The following PDE8A variants were observed in gnomAD, a reference collection of about 807,000 sequenced individuals.
PDE8A encodes high affinity cAMP-specific and IBMX-insensitive 3',5'-cyclic phosphodiesterase 8A.
Under a neutral mutation model 105.0 loss-of-function variants are expected in PDE8A, and 59 were observed. The ratio of observed to expected loss-of-function variants is 0.56; its 90% CI spans 0.46 to 0.70. The LOEUF is 0.70. PDE8A is among the 30% of genes least tolerant of loss of function. PDE8A has a pLI of 0.00. For synonymous variants in PDE8A, 355 were observed against 371.9 expected, an observed-to-expected ratio of 0.95 and a Z score of 0.52; for missense variants, 1,014 against 1,045.9, an observed-to-expected ratio of 0.97 and a Z score of 0.42.
At chr15:84,995,349 C>G (rs2079959376) in intron 1 of PDE8A, among the ~76,000 whole-genome samples, 1 of 150,084 alleles carries the variant, frequency 6.7e-6, no homozygotes, top group African/African-American at 2.5e-5. Context: ...GGGTCTCCCT[C>G]TGTTGCCTAG....
chr15:85,013,346 A>G (rs2080271559), intron 1 of PDE8A, among the ~76,000 whole-genome samples: 1 of 152,202 alleles, frequency 6.6e-6, no homozygotes, highest in South Asian at 2.1e-4. Flanking sequence ...TTCTCTGAGC[A>G]TCACTTTTCT....
chr15:84,994,526 A>T (rs1181736212), intron 1 of PDE8A, among the ~76,000 whole-genome samples: 2 of 152,218 alleles, frequency 1.3e-5, no homozygotes, highest in Admixed American at 1.3e-4. Flanking sequence ...AAAATACAGC[A>T]ATCTTGAAGG....
chr15:85,076,949 G>T (rs1415949545), intron 5 of PDE8A, among the ~76,000 whole-genome samples, 162 bp downstream of exon 5: 1 of 152,094 alleles, frequency 6.6e-6, no homozygotes, highest in East Asian at 1.9e-4. Context: ...GGGAGGTCGA[G>T]GTAGGAGGAC....
chr15:85,136,517 C>A lies in PDE8A; in HGVS notation c.2254-17C>A. The A allele has an allele frequency of 6.2e-7, 1 of 1,609,174 alleles. No homozygotes were observed. The highest frequency in any genetic ancestry group is 8.5e-7 in the Non-Finnish European group (1 of 1,177,730). On this transcript the variant is annotated splice_polypyrimidine_tract_variant and intron_variant, in intron 20 of 21. Transcript: ENST00000394553. ...ACCAGATGTTGGGGTCTCCTGATCA[C>A]ATTTTCTGCTTTACAGACTGATGAA...
Position 85,089,508 on chromosome 15 carries a change from T to TC in PDE8A, c.714+93dup, listed in dbSNP as rs1012349573. On this transcript the variant is annotated intron_variant, in intron 7 of 21. Transcript: ENST00000394553. ...ACCTCTCCAATATGATTTTTTTTTTTCTTTTTGAAGTTTAGGAGACCAGTT... is the reference window on the plus strand; with the variant it reads ...ACCTCTCCAATATGATTTTTTTTTTTCCTTTTTGAAGTTTAGGAGACCAGTT... 4 of 654,604 alleles carry TC rather than the reference T, an allele frequency of 6.1e-6. No individual in the cohort carries two copies. In the African/African-American group the frequency reaches 7.5e-5, roughly 12 times the overall value. 40.5% of individuals were successfully genotyped at this position (654,604 alleles called of 1,614,324 possible). A position where few individuals can be genotyped will look rare whatever the true frequency, so the allele number is the denominator to read the frequency against.
At chr15:85,060,452 A>C (rs1241140040) in intron 1 of PDE8A, among the ~76,000 whole-genome samples, 1 of 152,268 alleles carries the variant, frequency 6.6e-6, no homozygotes, top group Non-Finnish European at 1.5e-5. Context: ...AAAATAAAAC[A>C]TGTAAAATAA....
At position 85,130,906 on chromosome 15, in the gene PDE8A, C is replaced by T. The variant is rs1352396361; in HGVS notation, c.2253+4532C>T. On this transcript the variant is annotated intron_variant, in intron 20 of 21. Transcript: ENST00000394553. ...TCCTGAGTAGCTGGGATTATAGGCA[C>T]GTACCACCATGCCTGGCTAATTTTT... is the stretch of plus-strand genomic sequence containing the variant. 3.3e-5 allele frequency among the ~76,000 whole-genome samples: 5 copies of T among 152,224 alleles called. No homozygotes were observed. In the East Asian group the frequency reaches 5.8e-4, roughly 18 times the overall value.
rs2080002830 is a variant in PDE8A at position 84,997,728 on chromosome 15, G to A, written c.186+15380G>A. Among the ~76,000 whole-genome samples the A allele has an allele frequency of 2.0e-5, 3 of 152,168 alleles. No homozygotes were observed. The South Asian group carries it at 6.2e-4, about 32-fold the overall frequency. Reference sequence around the variant, plus strand: ...CTGCCTCAGCCTTCCGAGTAACTGGGATTACAGGTGCATGCCACCATGCCA... The same window carrying A: ...CTGCCTCAGCCTTCCGAGTAACTGGAATTACAGGTGCATGCCACCATGCCA... On this transcript the variant is annotated intron_variant, in intron 1 of 21. Transcript: ENST00000394553.
In PDE8A at chr15:85,120,998, T is replaced by A; in HGVS notation, c.1936T>A (p.Phe646Ile). 1 of 1,608,078 alleles carries A rather than the reference T, an allele frequency of 6.2e-7. No homozygotes were observed. The highest frequency in any genetic ancestry group is 1.3e-5 in the African/African-American group (1 of 74,916). Residue 646 changes from phenylalanine to isoleucine, a missense_variant, in exon 18 of 22, where the codon TTT becomes ATT. Phe to Ile is a conservative substitution (Grantham distance 21). Transcript: ENST00000394553. ...LTTGDDKCNI[F>I]KNMERNDYRT... is the part of the protein sequence containing the mutation. Reference sequence around the variant, plus strand: ...CACTGGAGATGATAAATGCAATATATTTAAAAACATGGAGAGGTAAGAACA... The same window carrying A: ...CACTGGAGATGATAAATGCAATATAATTAAAAACATGGAGAGGTAAGAACA...
intron 1 of PDE8A, among the ~76,000 whole-genome samples, chr15:85,050,244 CT>C (rs2080951922): frequency 6.6e-6 from 1 of 152,050 alleles, no homozygotes; most frequent in South Asian, 2.1e-4. Context: ...TTGGCAATTA[CT>C]TTTTCCAGTT....
intron 3 of PDE8A, among the ~76,000 whole-genome samples, chr15:85,070,946 A>G (rs1003557084): frequency 6.6e-6 from 1 of 152,202 alleles, no homozygotes; most frequent in East Asian, 1.9e-4. Flanking sequence ...ATAGCTTCAT[A>G]TTCCCACTGT....
At chr15:85,130,787 T>C (rs1158609722) in intron 20 of PDE8A, among the ~76,000 whole-genome samples, 1 of 152,228 alleles carries the variant, frequency 6.6e-6, no homozygotes, top group Non-Finnish European at 1.5e-5. Flanking sequence ...ATTGACCCTT[T>C]TATTAATGTC....
chr15:85,099,782 T>C, intron 9 of PDE8A: 1 of 517,646 alleles, frequency 1.9e-6, no homozygotes, highest in South Asian at 3.2e-5. Context: ...TGTCTCATGA[T>C]TAATTGGGAA....
chr15:85,061,265 G>C (rs776591491), intron 1 of PDE8A, among the ~76,000 whole-genome samples: 1 of 151,508 alleles, frequency 6.6e-6, no homozygotes, highest in Non-Finnish European at 1.5e-5. Flanking sequence ...ATGGCATCTT[G>C]CTCTGTTGTC....
intron 1 of PDE8A, among the ~76,000 whole-genome samples, chr15:84,991,133 G>A (rs756556153): frequency 6.6e-6 from 1 of 152,124 alleles, no homozygotes; most frequent in African/African-American, 2.4e-5. Flanking sequence ...GTTACACAAG[G>A]CATTTACATA....
At chr15:85,134,991 G>A (rs1179247452) in intron 20 of PDE8A, among the ~76,000 whole-genome samples, 1 of 152,206 alleles carries the variant, frequency 6.6e-6, no homozygotes, top group African/African-American at 2.4e-5. Context: ...GTGCCGTAGA[G>A]CTGCGGTGGG....
At position 85,068,727 on chromosome 15, in the gene PDE8A, A is replaced by G. The variant is rs565728137; in HGVS notation, c.434+1523A>G. On this transcript the variant is annotated intron_variant, in intron 3 of 21. Transcript: ENST00000394553. ...GAGGGAGGACAGGGTGAGGGGCTGGAGAAAATTTGGCCTCTTTCCTAGTCT... is the reference window on the plus strand; with the variant it reads ...GAGGGAGGACAGGGTGAGGGGCTGGGGAAAATTTGGCCTCTTTCCTAGTCT... Among the ~76,000 whole-genome samples the G allele has an allele frequency of 5.3e-4, 80 of 152,286 alleles. 1 individual carries two copies. The highest frequency in any genetic ancestry group is 1.9e-3 in the African/African-American group (79 of 41,558).
At chr15:84,994,317 A>G (rs2079939994) in intron 1 of PDE8A, among the ~76,000 whole-genome samples, 1 of 152,218 alleles carries the variant, frequency 6.6e-6, no homozygotes, top group African/African-American at 2.4e-5. Context: ...TGATTGCTGT[A>G]TTAAAAACAC....
At chr15:85,100,952 A>G (rs1183244367) in intron 11 of PDE8A, among the ~76,000 whole-genome samples, 2 of 152,212 alleles carry the variant, frequency 1.3e-5, no homozygotes, top group African/African-American at 4.8e-5. Flanking sequence ...CTGCCTTACC[A>G]GAACAGTTCA....
Sources: allele counts gnomAD v4.1 joint callset (sites outside exome capture counted in the v4.1 genomes callset), GRCh38; gene constraint gnomAD v4.1.1; transcripts MANE v1.5; gene names NCBI Gene and HGNC (gene_info 2026-07-23, HGNC 2026-07-21).